Variants in HERC2 observed in about 807,000 individuals in gnomAD.
HERC2 encodes HECT and RLD domain containing E3 ubiquitin protein ligase 2.
Under a neutral mutation model 537.7 loss-of-function variants are expected in HERC2, and 102 were observed. That is an observed-to-expected ratio of 0.19 (90% CI 0.16 to 0.22). HERC2 has a LOEUF of 0.22. HERC2 is among the 10% of genes least tolerant of loss of function. HERC2 has a pLI of 1.00. For missense variants in HERC2, 4,236 were observed against 6,198.2 expected (o/e 0.68, Z 10.63); for synonymous variants, 2,224 against 2,466.2 (o/e 0.90, Z 2.91).
chr15:28,288,727 A>G (rs2141112555), intron 4 of HERC2, among the ~76,000 whole-genome samples: 1 of 151,764 alleles, frequency 6.6e-6, no homozygotes, highest in African/African-American at 2.4e-5. Flanking sequence ...GCCTGCCTGT[A>G]ATCCCAGCTA....
intron 30 of HERC2, among the ~76,000 whole-genome samples, chr15:28,230,968 GA>G (rs922162619): frequency 3.0e-4 from 42 of 142,360 alleles, no homozygotes; most frequent in South Asian, 2.0e-3. Flanking sequence ...ATTTCAAACT[GA>G]AAAAAAAAAA....
chr15:28,125,280 C>G, intron 83 of HERC2, 87 bp from the exon 84 acceptor site: 1 of 1,052,898 alleles, frequency 9.5e-7, no homozygotes. Flanking sequence ...CACACAGCAC[C>G]AACGCTCCCT....
At chr15:28,247,624 T>C (rs1903849220) in intron 21 of HERC2, among the ~76,000 whole-genome samples, 1 of 152,042 alleles carries the variant, frequency 6.6e-6, no homozygotes, top group South Asian at 2.1e-4. Context: ...GAGACGGGGT[T>C]TCACTATGTT....
At chr15:28,319,107 T>C (rs1281460884) in intron 2 of HERC2, among the ~76,000 whole-genome samples, 7 of 151,830 alleles carry the variant, frequency 4.6e-5, no homozygotes, top group Admixed American at 1.3e-4. Context: ...AGGGAAACCA[T>C]GTCTTATTCC....
intron 20 of HERC2, among the ~76,000 whole-genome samples, chr15:28,250,833 C>G (rs1227641744): frequency 6.6e-6 from 1 of 152,136 alleles, no homozygotes; most frequent in Non-Finnish European, 1.5e-5. Context: ...ATGATCCATG[C>G]TTATGAAGAC....
intron 11 of HERC2, among the ~76,000 whole-genome samples, 198 bp downstream of exon 11, chr15:28,269,050 C>T (rs1404845625): frequency 6.6e-6 from 1 of 152,218 alleles, no homozygotes; most frequent in East Asian, 1.9e-4. Flanking sequence ...ATGAGTTTCA[C>T]TGTAAGGACT....
intron 44 of HERC2, among the ~76,000 whole-genome samples, chr15:28,206,882 G>A (rs1326075114): frequency 4.0e-5 from 6 of 148,244 alleles, no homozygotes; most frequent in Admixed American, 2.0e-4. Flanking sequence ...GTGGTGGTGC[G>A]TGCCTGTAAT....
chr15:28,306,494 C>T lies in HERC2; in HGVS notation c.73-6978G>A, dbSNP rs556218006. ...TTGCTGGTATTTTGTTGGGTATTTC[C>T]GCATCAATGTTCATCTGGGATACTG... On this transcript the variant is annotated intron_variant, in intron 2 of 92. Transcript: ENST00000261609. Among the ~76,000 whole-genome samples the T allele has an allele frequency of 3.9e-3, 597 of 152,148 alleles. 3 individuals carry two copies. The highest frequency in any genetic ancestry group is 0.013 in the African/African-American group (557 of 41,524).
intron 3 of HERC2, among the ~76,000 whole-genome samples, chr15:28,296,749 A>G (rs535157614): frequency 6.6e-6 from 1 of 151,256 alleles, no homozygotes; most frequent in Admixed American, 6.6e-5. Context: ...TCATATGGAC[A>G]CTCTTAGCCT....
At chr15:28,267,583 G>C (rs550263218) in intron 12 of HERC2, among the ~76,000 whole-genome samples, 7 of 152,282 alleles carry the variant, frequency 4.6e-5, no homozygotes, top group Admixed American at 3.3e-4. Context: ...ACTCGTCTTA[G>C]ATTTGTCTGA....
rs552324498 is a variant in HERC2, at chr15:28,299,423, C to T, written c.166G>A (p.Gly56Arg). 77 of 1,583,896 alleles carry T rather than the reference C, an allele frequency of 4.9e-5. No homozygotes were observed. In the South Asian group the frequency reaches 5.7e-4, roughly 12 times the overall value. ...VYTGTESTQNGELPPRKDDSV... is the reference protein window; with the variant it reads ...VYTGTESTQNRELPPRKDDSV... Reference sequence around the variant, plus strand: ...TTACCTTTTCTAGGAGGGAGCTCTCCGTTCTGGGTTGATTCTGTTCCAGTG... The same window carrying T: ...TTACCTTTTCTAGGAGGGAGCTCTCTGTTCTGGGTTGATTCTGTTCCAGTG... Residue 56 changes from glycine to arginine, a missense_variant, in exon 3 of 93, where the codon GGA becomes AGA. This residue lies in a region of HERC2 where 491 missense variants were observed against 559.3 expected (regional missense o/e 0.88). Coordinates refer to ENST00000261609, the MANE Select transcript of HERC2 (RefSeq NM_004667.6).
At chr15:28,217,001 C>G (rs113285955) in intron 38 of HERC2, among the ~76,000 whole-genome samples, 12,896 of 151,380 alleles carry the variant, frequency 0.085, 1,557 homozygotes, top group African/African-American at 0.3. Context: ...AAGCAAAATG[C>G]TCACATTCAC....
At chr15:28,149,362 A>G (rs1596057836) in intron 70 of HERC2, among the ~76,000 whole-genome samples, 1 of 152,078 alleles carries the variant, frequency 6.6e-6, no homozygotes, top group East Asian at 1.9e-4. Flanking sequence ...CCAAAAAAAC[A>G]CACGCGGCTC....
chr15:28,168,477 C>T lies in HERC2; in HGVS notation c.10343G>A (p.Gly3448Glu), dbSNP rs772328665. ...DASAMASPMN[G>E]EECMLAVDIE... The stretch of plus-strand genomic sequence containing the variant: ...ATCAACAGCCAGCATGCATTCTTCT[C>T]CATTCATGGGACTAGCCATCGCAGA... The change falls in exon 67 of 93, where the codon GGA becomes GAA. Residue 3448 changes from glycine (G) to glutamate (E), a missense_variant. Physicochemically the swap from Gly to Glu is moderately conservative, Grantham distance 98 (BLOSUM62 -2). This residue lies in a region of HERC2 where 356 missense variants were observed against 450.9 expected (regional missense o/e 0.79). Transcript: ENST00000261609. 1.2e-6 allele frequency: 2 copies of T among 1,614,244 alleles called. No homozygotes were observed. Among genetic ancestry groups the T allele is most frequent in the South Asian group, 1.1e-5 (1 of 91,088 alleles).
chr15:28,261,189 G>T (rs748602220), intron 15 of HERC2, among the ~76,000 whole-genome samples: 2 of 152,094 alleles, frequency 1.3e-5, no homozygotes, highest in Non-Finnish European at 2.9e-5. Flanking sequence ...AGTCTACAAA[G>T]ATCATAATAC....
At position 28,229,448 on chromosome 15, in the gene HERC2, C is replaced by T; in HGVS notation, c.5120+12G>A. On this transcript the variant is annotated intron_variant, in intron 33 of 92. Coordinates refer to ENST00000261609, the MANE Select transcript of HERC2 (RefSeq NM_004667.6). ...CTACCTTAATTAAGAAAAAAATATG[C>T]TAACGTTTTACCCTATATCGATTCC... 1.2e-6 allele frequency: 2 copies of T among 1,613,690 alleles called. No homozygotes were observed. The highest frequency in any genetic ancestry group is 1.7e-6 in the Non-Finnish European group (2 of 1,179,636).
At chr15:28,135,343 A>AT in intron 79 of HERC2, 135 bp downstream of exon 79, 1 of 704,964 alleles carries the variant, frequency 1.4e-6, no homozygotes, top group Non-Finnish European at 2.5e-6. Flanking sequence ...CTGCCAAATG[A>AT]GTCATTAACA....
chr15:28,219,477 C>T (rs79141613), intron 37 of HERC2, among the ~76,000 whole-genome samples: 2,950 of 152,318 alleles, frequency 0.019, 44 homozygotes, highest in Non-Finnish European at 0.031. Flanking sequence ...GCACCACATC[C>T]GCCCTCAGGG....
At chr15:28,130,033 A>G in intron 83 of HERC2, 130 bp downstream of exon 83, 2 of 1,139,406 alleles carry the variant, frequency 1.8e-6, no homozygotes, top group South Asian at 3.0e-5. Context: ...TCAGCCTCCC[A>G]AAGTGCTGGG....
Sources: gnomAD v4.1 joint callset for allele counts (sites outside exome capture counted in the v4.1 genomes callset) on GRCh38, gnomAD v4.1.1 for gene constraint, gnomAD v4.1.1 regional missense constraint, MANE v1.5 for transcripts, NCBI Gene and HGNC (gene_info 2026-07-23, HGNC 2026-07-21) for gene names.